ZNF536: variants seen among roughly 807,000 people sequenced by gnomAD.
ZNF536 encodes zinc finger protein 536.
ZNF536 carries 13 observed loss-of-function variants against 84.5 expected under a neutral mutation model. The ratio of observed to expected loss-of-function variants is 0.15; its 90% CI spans 0.10 to 0.24. The LOEUF (loss-of-function observed/expected upper bound fraction) is 0.24, where lower values mean the gene tolerates loss of function less well. ZNF536 is among the 10% of genes least tolerant of loss of function. The probability of loss-of-function intolerance (pLI) is 1.00; values close to 1 mark genes in which losing one functional copy is unlikely to be tolerated. For missense variants in ZNF536, 1,536 were observed against 1,747.5 expected, an observed-to-expected ratio of 0.88 and a Z score of 2.16; for synonymous variants, 811 against 742.5, an observed-to-expected ratio of 1.09 and a Z score of -1.50.
intron 1 of ZNF536, among the ~76,000 whole-genome samples, chr19:30,241,308 C>G (rs896020547): frequency 2.0e-5 from 3 of 152,200 alleles, no homozygotes; most frequent in Non-Finnish European, 4.4e-5. Flanking sequence ...CGGCGAGACC[C>G]TGTCTCAAAA....
intron 1 of ZNF536, among the ~76,000 whole-genome samples, chr19:30,272,481 T>C (rs2025906569): frequency 6.6e-6 from 1 of 152,202 alleles, no homozygotes; most frequent in Admixed American, 6.5e-5. Context: ...TTGGACATTT[T>C]ATGGGTTTTG....
chr19:30,520,671 G>A (rs1230663349), intron 2 of ZNF536, among the ~76,000 whole-genome samples: 3 of 152,012 alleles, frequency 2.0e-5, no homozygotes, highest in Non-Finnish European at 4.4e-5. Flanking sequence ...CAGGGGGAGG[G>A]GCTGACCATT....
At chr19:30,685,680 T>C (rs2051149464) in intron 1 of ZNF536, among the ~76,000 whole-genome samples, 1 of 152,178 alleles carries the variant, frequency 6.6e-6, no homozygotes, top group South Asian at 2.1e-4. Flanking sequence ...TTACATAATC[T>C]GTCACTATAG....
chr19:30,357,941 A>C (rs2048151491), intron 3 of ZNF536, among the ~76,000 whole-genome samples: 1 of 152,166 alleles, frequency 6.6e-6, no homozygotes, highest in African/African-American at 2.4e-5. Context: ...GGTTTGGCTA[A>C]GTCTGTGCCC....
intron 1 of ZNF536, among the ~76,000 whole-genome samples, chr19:30,672,461 A>T (rs75883795): frequency 0.017 from 2,569 of 152,334 alleles, 28 homozygotes; most frequent in Middle Eastern, 0.041. Context: ...CCCAATTACA[A>T]AAGGGGCATT....
At chr19:30,259,085 G>A (rs1039453170) in intron 1 of ZNF536, among the ~76,000 whole-genome samples, 2 of 152,048 alleles carry the variant, frequency 1.3e-5, no homozygotes, top group African/African-American at 4.8e-5. Flanking sequence ...AAATTTCTGA[G>A]GTTAAACCTA....
intron 2 of ZNF536, among the ~76,000 whole-genome samples, chr19:30,509,526 A>G (rs2055323871): frequency 6.7e-6 from 1 of 148,948 alleles, no homozygotes; most frequent in South Asian, 2.1e-4. Context: ...TAATTTATAT[A>G]TAGTAACATA....
chr19:30,403,696 C>A (rs1211869728), intron 1 of ZNF536, among the ~76,000 whole-genome samples: 4 of 152,224 alleles, frequency 2.6e-5, no homozygotes, highest in Non-Finnish European at 5.9e-5. Context: ...CCACAGCCTC[C>A]CTGTCTGCTG....
At chr19:30,302,940 T>C (rs2046232670) in intron 2 of ZNF536, among the ~76,000 whole-genome samples, 1 of 152,214 alleles carries the variant, frequency 6.6e-6, no homozygotes, top group Non-Finnish European at 1.5e-5. Context: ...CCTGCTGAAC[T>C]ATAAACTCTC....
At position 30,406,671 on chromosome 19, in the gene ZNF536, C is replaced by T. The variant is rs79725917; in HGVS notation, c.-3+34115C>T. 9.9e-3 allele frequency among the ~76,000 whole-genome samples: 1,505 copies of T among 152,226 alleles called. 77 individuals carry two copies. The East Asian group carries it at 0.15, about 15-fold the overall frequency. ...TCCTTTTAAGGGTTGAGCAACGTGC[C>T]GGGGCTGGCACAGCTTGGTGCCTGA... On this transcript the variant is annotated intron_variant, in intron 1 of 4. Transcript: ENST00000355537.
In ZNF536 at chr19:30,467,919, C is replaced by T. The variant is rs2148491702; in HGVS notation, c.2170+22187C>T. Among the ~76,000 whole-genome samples the T allele has an allele frequency of 1.3e-5, 2 of 152,364 alleles. 1 individual carries two copies. The highest frequency in any genetic ancestry group is 4.1e-4 in the South Asian group (2 of 4,830). On this transcript the variant is annotated intron_variant, in intron 2 of 4. Transcript: ENST00000355537. ...CCTAACCCTGCAAGGCAAGCTGTGC[C>T]ACAGCCCTGGCCGCACAGCGGCCTG...
At chr19:30,419,377 GAGTCAT>G (rs1202217430) in intron 1 of ZNF536, among the ~76,000 whole-genome samples, 7 of 152,156 alleles carry the variant, frequency 4.6e-5, no homozygotes, top group Non-Finnish European at 8.8e-5. Context: ...GTGGAAAACT[GAGTCAT>G]AGTTTATAAA....
upstream of ZNF536, among the ~76,000 whole-genome samples, chr19:30,371,838 A>G (rs892370126): frequency 2.0e-5 from 3 of 151,630 alleles, no homozygotes; most frequent in Non-Finnish European, 2.9e-5. Flanking sequence ...GTGTGTGTGT[A>G]TATATATAAA....
intron 2 of ZNF536, among the ~76,000 whole-genome samples, chr19:30,349,365 G>T (rs1386980304): frequency 6.6e-6 from 1 of 152,148 alleles, no homozygotes; most frequent in Admixed American, 6.5e-5. Context: ...ATCCCTCCCT[G>T]CAGTGAAGGC....
intron 1 of ZNF536, among the ~76,000 whole-genome samples, chr19:30,438,452 C>T (rs191363735): frequency 1.1e-3 from 170 of 152,280 alleles, no homozygotes; most frequent in Non-Finnish European, 1.7e-3. Flanking sequence ...TCCTGGGTCA[C>T]GCAGTGCTGA....
intron 1 of ZNF536, among the ~76,000 whole-genome samples, chr19:30,691,757 G>A (rs1326595537): frequency 2.0e-5 from 3 of 152,186 alleles, no homozygotes; most frequent in African/African-American, 7.2e-5. Context: ...AAAAAAAAAT[G>A]GGGAGGGGGG....
At chr19:30,443,043 GTTT>G (rs199802157) in intron 1 of ZNF536, among the ~76,000 whole-genome samples, 63,014 of 135,454 alleles carry the variant, frequency 0.47, 13,696 homozygotes, top group Non-Finnish European at 0.53. Flanking sequence ...TTTTTTGTTT[GTTT>G]TTTTTTTTTT....
At chr19:30,511,220 C>T (rs2055401617) in intron 2 of ZNF536, among the ~76,000 whole-genome samples, 1 of 152,172 alleles carries the variant, frequency 6.6e-6, no homozygotes, top group Non-Finnish European at 1.5e-5. Context: ...GCTCTCAGCT[C>T]CTGCTCAAGA....
chr19:30,324,600 C>T (rs964465004), intron 2 of ZNF536, among the ~76,000 whole-genome samples: 2 of 152,162 alleles, frequency 1.3e-5, no homozygotes, highest in African/African-American at 4.8e-5. Context: ...CTACATTAAT[C>T]AGGCTGGTCT....
Sources: gnomAD v4.1 joint callset for allele counts (sites outside exome capture counted in the v4.1 genomes callset) on GRCh38, gnomAD v4.1.1 for gene constraint, MANE v1.5 for transcripts, NCBI Gene and HGNC (gene_info 2026-07-23, HGNC 2026-07-21) for gene names.